The following TACC2 variants were observed in gnomAD, a reference collection of about 807,000 sequenced individuals.
TACC2 encodes the protein transforming acidic coiled-coil-containing protein 2.
A neutral mutation model predicts 227.3 loss-of-function variants in TACC2; 137 were observed. The observed-to-expected ratio is 0.60, with a 90% CI of 0.52 to 0.69. The LOEUF (loss-of-function observed/expected upper bound fraction) is 0.69, where lower values mean the gene tolerates loss of function less well. Among genes scored for constraint, TACC2 ranks in the 30% least tolerant of loss-of-function variants. The probability of loss-of-function intolerance (pLI) is 0.00; values close to 1 mark genes in which losing one functional copy is unlikely to be tolerated. For missense variants in TACC2, 3,470 were observed against 3,694.4 expected, an observed-to-expected ratio of 0.94 and a Z score of 1.57; for synonymous variants, 1,523 against 1,487.5, an observed-to-expected ratio of 1.02 and a Z score of -0.55.
chr10:122,239,243 A>G (rs2095929941), intron 18 of TACC2, among the ~76,000 whole-genome samples: 2 of 152,210 alleles, frequency 1.3e-5, no homozygotes, highest in Non-Finnish European at 2.9e-5. Flanking sequence ...TCCTGACCTT[A>G]GGTGATCTGC....
chr10:121,992,783 C>T (rs989822538), intron 1 of TACC2, among the ~76,000 whole-genome samples: 2 of 151,784 alleles, frequency 1.3e-5, no homozygotes, highest in African/African-American at 2.4e-5. Context: ...GGCGAAACCC[C>T]GTCTCTACTA....
intron 2 of TACC2, among the ~76,000 whole-genome samples, chr10:122,043,451 CTT>C (rs1203132806): frequency 1.4e-4 from 14 of 103,292 alleles, no homozygotes; most frequent in African/African-American, 3.6e-4. Flanking sequence ...TTCTTTCTTT[CTT>C]TCTTTCTCTT....
At chr10:122,171,848 C>CCTTCCATG (rs2093486844) in intron 7 of TACC2, among the ~76,000 whole-genome samples, 1 of 152,200 alleles carries the variant, frequency 6.6e-6, no homozygotes, top group South Asian at 2.1e-4. Flanking sequence ...GGCCCTTGGC[C>CCTTCCATG]AGGCCCTTCC....
At chr10:122,224,393 G>A (rs112597503) in intron 11 of TACC2, among the ~76,000 whole-genome samples, 107 of 152,274 alleles carry the variant, frequency 7.0e-4, no homozygotes, top group African/African-American at 2.1e-3. Flanking sequence ...CAGAATGCAC[G>A]TGCTGTCTTA....
rs979449908 is a variant in TACC2 at position 122,201,984 on chromosome 10, G to C, written c.5971+6808G>C. ...CTCTTTTGAATCTGACATTATGTTA[G>C]TGGTCTGTCTTCATGCTGTCTTCTT... On this transcript the variant is annotated intron_variant, in intron 8 of 22. Transcript: ENST00000369005. Among the ~76,000 whole-genome samples the C allele has an allele frequency of 2.1e-5, 3 of 144,666 alleles. No homozygotes were observed. In the East Asian group the frequency reaches 6.3e-4, roughly 30 times the overall value. 94.9% of individuals were successfully genotyped at this position (144,666 alleles called of 152,430 possible). A position where few individuals can be genotyped will look rare whatever the true frequency, so the allele number is the denominator to read the frequency against.
chr10:122,241,881 G>A (rs1467324444), intron 18 of TACC2, 77 bp from the exon 19 acceptor site: 1 of 1,385,436 alleles, frequency 7.2e-7, no homozygotes, highest in East Asian at 2.3e-5. Flanking sequence ...ACATGGGTCA[G>A]GCTGTGGCGT....
intron 8 of TACC2, among the ~76,000 whole-genome samples, chr10:122,207,078 C>A (rs2095135979): frequency 6.6e-6 from 1 of 151,720 alleles, no homozygotes. Context: ...GCAGACGGAT[C>A]ACTTGAGGTC....
intron 2 of TACC2, among the ~76,000 whole-genome samples, chr10:122,032,125 T>C (rs926360330): frequency 6.6e-6 from 1 of 152,178 alleles, no homozygotes; most frequent in East Asian, 1.9e-4. Flanking sequence ...ATGTGAGTCA[T>C]GCACCCGCCT....
chr10:122,163,832 C>A, intron 7 of TACC2: 1 of 1,472,968 alleles, frequency 6.8e-7, no homozygotes, highest in Non-Finnish European at 9.0e-7. Flanking sequence ...CAACCCCGGC[C>A]GCCGGCCGGC....
At position 122,150,820 on chromosome 10, in the gene TACC2, G is replaced by T. The variant is rs78196669; in HGVS notation, c.5834+7114G>T. ...GCAGCGTTCCTGGGTCCTTTCTTCT[G>T]CTTTGTTTGCATTTTTTGATCCTGC... On this transcript the variant is annotated intron_variant, in intron 7 of 22. Transcript: ENST00000369005. The surrounding 1 kb of genome is among the most constrained non-coding windows in gnomAD (Gnocchi z 4.0). 3.2e-3 allele frequency among the ~76,000 whole-genome samples: 489 copies of T among 152,338 alleles called. 2 individuals are homozygous for T. Among genetic ancestry groups the T allele is most frequent in the African/African-American group, 0.011 (454 of 41,578 alleles).
intron 3 of TACC2, among the ~76,000 whole-genome samples, chr10:122,064,225 ATAAT>A (rs140397638): frequency 0.051 from 7,821 of 152,258 alleles, 303 homozygotes; most frequent in East Asian, 0.19. Flanking sequence ...CACTTTAAAA[ATAAT>A]TAATAGGCTA....
chr10:122,165,801 C>G (rs1450197422), intron 7 of TACC2, among the ~76,000 whole-genome samples: 1 of 152,098 alleles, frequency 6.6e-6, no homozygotes, highest in Non-Finnish European at 1.5e-5. Flanking sequence ...CATTTTTGTT[C>G]TAAAAAAATG....
intron 9 of TACC2, among the ~76,000 whole-genome samples, chr10:122,212,416 C>T (rs1207244978): frequency 1.3e-5 from 2 of 151,082 alleles, no homozygotes; most frequent in African/African-American, 2.5e-5. Flanking sequence ...TTGACAAGGC[C>T]AAGTACATCG....
chr10:122,216,285 T>C (rs540265688), intron 10 of TACC2, among the ~76,000 whole-genome samples: 17 of 152,278 alleles, frequency 1.1e-4, no homozygotes, highest in Non-Finnish European at 2.1e-4. Context: ...CTGGTGATAT[T>C]GATGTGCAGG....
chr10:122,146,425 CTTT>C (rs1215874385), intron 7 of TACC2, among the ~76,000 whole-genome samples: 1 of 152,046 alleles, frequency 6.6e-6, no homozygotes, highest in Non-Finnish European at 1.5e-5. Context: ...GAGGTGAGGC[CTTT>C]AAGAGGTGAT....
intron 1 of TACC2, among the ~76,000 whole-genome samples, chr10:122,010,959 G>A (rs1955845780): frequency 6.6e-6 from 1 of 152,196 alleles, no homozygotes. Flanking sequence ...TCGGTGTTCA[G>A]CTGTGGGTTG....
intron 2 of TACC2, among the ~76,000 whole-genome samples, chr10:122,034,695 G>A (rs1959663545): frequency 6.6e-6 from 1 of 152,066 alleles, no homozygotes; most frequent in Non-Finnish European, 1.5e-5. Flanking sequence ...ACTTTGGGAG[G>A]CCGAGGTGGG....
chr10:122,219,274 AG>A (rs1489908569), intron 11 of TACC2, among the ~76,000 whole-genome samples: 1 of 143,964 alleles, frequency 6.9e-6, no homozygotes, highest in Non-Finnish European at 1.5e-5. Flanking sequence ...CCTTAGTGCT[AG>A]CCCCTCCCAG....
At chr10:122,192,371 C>A in intron 7 of TACC2, 1 of 274,966 alleles carries the variant, frequency 3.6e-6, no homozygotes, top group South Asian at 4.0e-5. Context: ...AACCGAGGGG[C>A]ATCCGGCCCT....
Sources: gnomAD v4.1 joint callset for allele counts (sites outside exome capture counted in the v4.1 genomes callset) on GRCh38, gnomAD v4.1.1 for gene constraint, Gnocchi (gnomAD v3.1) non-coding constraint, MANE v1.5 for transcripts, NCBI Gene and HGNC (gene_info 2026-07-23, HGNC 2026-07-21) for gene names.